PCSK2: variants seen among roughly 807,000 people sequenced by gnomAD.
PCSK2 encodes proprotein convertase subtilisin/kexin type 2, also known as neuroendocrine convertase 2.
PCSK2 carries 14 observed loss-of-function variants against 69.7 expected under a neutral mutation model. That is an observed-to-expected ratio of 0.20 (90% CI 0.13 to 0.31). The LOEUF is 0.31. Among genes scored for constraint, PCSK2 ranks in the 10% least tolerant of loss-of-function variants. The probability of loss-of-function intolerance (pLI) is 1.00; values close to 1 mark genes in which losing one functional copy is unlikely to be tolerated. For missense variants in PCSK2, 544 were observed against 842.5 expected, an observed-to-expected ratio of 0.65 and a Z score of 4.39; for synonymous variants, 307 against 320.7, an observed-to-expected ratio of 0.96 and a Z score of 0.46.
chr20:17,234,882 T>G (rs1175212903), intron 1 of PCSK2, among the ~76,000 whole-genome samples: 1 of 152,172 alleles, frequency 6.6e-6, no homozygotes, highest in Non-Finnish European at 1.5e-5. Context: ...AGATCCAACG[T>G]TTCAAAAAGA....
Position 17,453,645 on chromosome 20 carries a change from A to T in PCSK2, c.886-97A>T. 2 of 1,332,120 alleles carry T rather than the reference A, an allele frequency of 1.5e-6. No homozygotes were observed. Among genetic ancestry groups the T allele is most frequent in the Non-Finnish European group, 2.1e-6 (2 of 957,352 alleles). 82.5% of individuals were successfully genotyped at this position (1,332,120 alleles called of 1,614,324 possible). A position where few individuals can be genotyped will look rare whatever the true frequency, so the allele number is the denominator to read the frequency against. On this transcript the variant is annotated intron_variant, in intron 8 of 11. Transcript: ENST00000262545. This position sits in a 1 kb window ranked among gnomAD's most constrained non-coding sequence, Gnocchi z 4.0. Reference sequence around the variant, plus strand: ...AAAAGTGCACCCAGTCTTTAGGTTCAACTGCTGAAGAAGCCCAACCCCTGG... The same window carrying T: ...AAAAGTGCACCCAGTCTTTAGGTTCTACTGCTGAAGAAGCCCAACCCCTGG...
At chr20:17,425,019 G>A (rs1183162692) in intron 6 of PCSK2, among the ~76,000 whole-genome samples, 6 of 148,864 alleles carry the variant, frequency 4.0e-5, no homozygotes, top group East Asian at 2.0e-4. Flanking sequence ...CAAGCAATAC[G>A]CCCACCTTGG....
intron 1 of PCSK2, among the ~76,000 whole-genome samples, chr20:17,252,367 T>C (rs1331887759): frequency 6.6e-6 from 1 of 152,230 alleles, no homozygotes; most frequent in Non-Finnish European, 1.5e-5. Context: ...AGTATCCCTC[T>C]GATTGAAATA....
chr20:17,481,413 A>AAAAAAAAAAAAAGAG (rs113487407), intron 11 of PCSK2, among the ~76,000 whole-genome samples, 171 bp from the exon 12 acceptor site: 15 of 115,814 alleles, frequency 1.3e-4, no homozygotes, highest in African/African-American at 5.0e-4. Flanking sequence ...AAAAAAAAAA[A>AAAAAAAAAAAAAGAG]AGAGATAAGT....
At chr20:17,441,727 G>A (rs895915578) in intron 8 of PCSK2, among the ~76,000 whole-genome samples, 1 of 151,972 alleles carries the variant, frequency 6.6e-6, no homozygotes, top group African/African-American at 2.4e-5. Context: ...AACAGCATGG[G>A]GAAGACTCGC....
Position 17,419,969 on chromosome 20 carries a change from A to G in PCSK2, c.621-9466A>G, listed in dbSNP as rs533203040. 9.8e-5 allele frequency among the ~76,000 whole-genome samples: 15 copies of G among 152,328 alleles called. No individual in the cohort carries two copies. The East Asian group carries it at 2.9e-3, about 29-fold the overall frequency. On this transcript the variant is annotated intron_variant, in intron 6 of 11. Transcript: ENST00000262545. ...AATTCTTGGCTGCAGAAAGTTTACT[A>G]TAAATTCAGGAAGAGAGAAGACATT...
chr20:17,389,851 G>C (rs543210993), intron 5 of PCSK2, among the ~76,000 whole-genome samples: 1 of 152,124 alleles, frequency 6.6e-6, no homozygotes, highest in Non-Finnish European at 1.5e-5. Flanking sequence ...TTTGGAAAAA[G>C]TTTGGCAGTT....
At chr20:17,455,158 T>G (rs2032896274) in intron 9 of PCSK2, among the ~76,000 whole-genome samples, 1 of 152,012 alleles carries the variant, frequency 6.6e-6, no homozygotes, top group African/African-American at 2.4e-5. Flanking sequence ...TGGTGTAAAT[T>G]TGTCCTCGAC....
intron 11 of PCSK2, among the ~76,000 whole-genome samples, chr20:17,477,764 T>C (rs915669722): frequency 2.2e-4 from 33 of 152,350 alleles, no homozygotes; most frequent in African/African-American, 7.5e-4. Flanking sequence ...GATTCCACTC[T>C]CTGTAAGTGT....
intron 2 of PCSK2, among the ~76,000 whole-genome samples, chr20:17,292,053 A>T (rs12480427): frequency 0.16 from 24,061 of 152,152 alleles, 2,311 homozygotes; most frequent in Non-Finnish European, 0.22. Context: ...GACTGAGCAC[A>T]TTGCAGTCCT....
chr20:17,319,754 G>A (rs1157358558), intron 2 of PCSK2, among the ~76,000 whole-genome samples: 4 of 152,032 alleles, frequency 2.6e-5, no homozygotes, highest in South Asian at 2.1e-4. Context: ...GCTTTTATCC[G>A]TATCACCAGA....
intron 9 of PCSK2, 135 bp from the exon 10 acceptor site, chr20:17,456,213 C>G (rs2032918170): frequency 4.9e-6 from 3 of 617,710 alleles, no homozygotes; most frequent in Non-Finnish European, 8.7e-6. Context: ...TGCACTCCAG[C>G]CTGGGCAACA....
chr20:17,471,800 G>A (rs1386135903), intron 11 of PCSK2, among the ~76,000 whole-genome samples: 1 of 152,206 alleles, frequency 6.6e-6, no homozygotes, highest in Non-Finnish European at 1.5e-5. Flanking sequence ...TGGCTGTGCC[G>A]CTTGACAGAG....
rs2032874796 is a variant in PCSK2 at position 17,453,974 on chromosome 20, C to G, written c.1101+17C>G. On this transcript the variant is annotated intron_variant, in intron 9 of 11. Coordinates refer to ENST00000262545, the MANE Select transcript of PCSK2 (RefSeq NM_002594.5). The surrounding 1 kb of genome is among the most constrained non-coding windows in gnomAD (Gnocchi z 4.0). ...GCCGGTGTGGTGAGCACGTCCCCTT[C>G]TGTCCTTGTTTCCTTAGGGCCACTG... is the stretch of plus-strand genomic sequence containing the variant. 5 of 1,613,808 alleles carry G rather than the reference C, an allele frequency of 3.1e-6. No individual in the cohort carries two copies. Among genetic ancestry groups the G allele is most frequent in the Non-Finnish European group, 4.2e-6 (5 of 1,179,954 alleles).
At chr20:17,435,478 A>G (rs2032466505) in intron 7 of PCSK2, among the ~76,000 whole-genome samples, 1 of 152,216 alleles carries the variant, frequency 6.6e-6, no homozygotes, top group Admixed American at 6.5e-5. Context: ...GTCCCTCAGG[A>G]AAGAAAGCAA....
chr20:17,451,042 A>G (rs370344082), intron 8 of PCSK2, among the ~76,000 whole-genome samples: 24 of 152,322 alleles, frequency 1.6e-4, no homozygotes, highest in African/African-American at 5.8e-4. Context: ...CAGAAGCCAG[A>G]GACTTTTTGG....
At position 17,482,094 on chromosome 20, in the gene PCSK2, C is replaced by A. The variant is rs1396800458; in HGVS notation, c.*24C>A. ...AGCGCTGCACATCCGCCTTTCCCAC[C>A]GCCCTCCCTCCCCAGCTCCGCCTCT... On this transcript the variant is annotated 3_prime_UTR_variant, in exon 12 of 12. Coordinates refer to ENST00000262545, the MANE Select transcript of PCSK2 (RefSeq NM_002594.5). 2 of 1,529,580 alleles carry A rather than the reference C, an allele frequency of 1.3e-6. No homozygotes were observed. Among genetic ancestry groups the A allele is most frequent in the South Asian group, 1.3e-5 (1 of 77,280 alleles). The allele number at this position is 1,529,580 out of a possible 1,614,324, so 94.8% of individuals were successfully genotyped here.
chr20:17,390,594 A>C (rs139308922), intron 5 of PCSK2, among the ~76,000 whole-genome samples: 30 of 152,312 alleles, frequency 2.0e-4, no homozygotes, highest in African/African-American at 7.0e-4. Flanking sequence ...CGAAGATGAT[A>C]GATGTCAGGG....
chr20:17,322,885 G>C (rs1989916787), intron 2 of PCSK2, among the ~76,000 whole-genome samples: 1 of 152,182 alleles, frequency 6.6e-6, no homozygotes, highest in South Asian at 2.1e-4. Context: ...TTTTTCTTGA[G>C]ATGGAGTTCA....
Sources: gnomAD v4.1 joint callset for allele counts (sites outside exome capture counted in the v4.1 genomes callset) on GRCh38, gnomAD v4.1.1 for gene constraint, Gnocchi (gnomAD v3.1) non-coding constraint, MANE v1.5 for transcripts, NCBI Gene and HGNC (gene_info 2026-07-23, HGNC 2026-07-21) for gene names.